The following PCNX2 variants were observed in gnomAD, a reference collection of about 807,000 sequenced individuals.
PCNX2 encodes the protein pecanex-like protein 2.
PCNX2 carries 168 observed loss-of-function variants against 223.8 expected under a neutral mutation model. The ratio of observed to expected loss-of-function variants is 0.75; its 90% CI spans 0.66 to 0.85. The LOEUF (loss-of-function observed/expected upper bound fraction) is 0.85, where lower values mean the gene tolerates loss of function less well. Among genes scored for constraint, PCNX2 ranks in the 40% least tolerant of loss-of-function variants. The probability of loss-of-function intolerance (pLI) is 0.00; values close to 1 mark genes in which losing one functional copy is unlikely to be tolerated. For missense variants in PCNX2, 2,507 were observed against 2,675.5 expected, an observed-to-expected ratio of 0.94 and a Z score of 1.39; for synonymous variants, 1,006 against 1,052.6, an observed-to-expected ratio of 0.96 and a Z score of 0.86.
rs1437788960 is a variant in PCNX2 at position 233,151,363 on chromosome 1, C to T, written c.3517+8920G>A. 2.0e-5 allele frequency among the ~76,000 whole-genome samples: 3 copies of T among 152,220 alleles called. No homozygotes were observed. The East Asian group carries it at 5.8e-4, about 29-fold the overall frequency. ...CACACCGACTGCAGCTGAGAACTAA[C>T]ATCATTCTTCAAAATGCTCTCTTTA... On this transcript the variant is annotated intron_variant, in intron 19 of 33. Coordinates refer to ENST00000258229, the MANE Select transcript of PCNX2 (RefSeq NM_014801.4).
At chr1:233,079,767 T>C (rs1408194413) in intron 23 of PCNX2, among the ~76,000 whole-genome samples, 1 of 152,098 alleles carries the variant, frequency 6.6e-6, no homozygotes, top group Non-Finnish European at 1.5e-5. Context: ...TTCCTTTGTG[T>C]TCGCTGTGTC....
rs566834264 is a variant in PCNX2, at chr1:233,244,249, A to G, written c.2222+6490T>C. 6.0e-4 allele frequency among the ~76,000 whole-genome samples: 91 copies of G among 152,342 alleles called. 2 individuals are homozygous for G. Among genetic ancestry groups the G allele is most frequent in the Non-Finnish European group, 2.9e-4 (20 of 68,024 alleles). On this transcript the variant is annotated intron_variant, in intron 8 of 33. Coordinates refer to ENST00000258229, the MANE Select transcript of PCNX2 (RefSeq NM_014801.4). ...TTGCATAACGTCAAACAAAAAGTAA[A>G]TATCAGTGCTGGAATTTGAACCCAG...
At chr1:233,172,478 T>C in intron 17 of PCNX2, 3 of 985,434 alleles carry the variant, frequency 3.0e-6, no homozygotes, top group Non-Finnish European at 3.6e-6. Context: ...GAGGTGAGTC[T>C]GCTTGCACTT....
chr1:233,230,849 G>T (rs574338596), intron 9 of PCNX2, among the ~76,000 whole-genome samples: 1 of 152,060 alleles, frequency 6.6e-6, no homozygotes, highest in African/African-American at 2.4e-5. Context: ...GGAAGGATAG[G>T]GTACCTTTTA....
intron 22 of PCNX2, among the ~76,000 whole-genome samples, chr1:233,090,571 T>C (rs1415473785): frequency 6.6e-6 from 1 of 152,230 alleles, no homozygotes; most frequent in Non-Finnish European, 1.5e-5. Context: ...TATTAGATGA[T>C]ACTTTTTGAA....
chr1:233,047,660 C>A (rs1671866156), intron 25 of PCNX2, among the ~76,000 whole-genome samples: 1 of 152,090 alleles, frequency 6.6e-6, no homozygotes, highest in African/African-American at 2.4e-5. Flanking sequence ...CTTAACTATC[C>A]TAAATATATA....
rs545676194 is a variant in PCNX2 at position 232,986,357 on chromosome 1, G to A, written c.5975C>T (p.Thr1992Met). 44 of 1,601,296 alleles carry A rather than the reference G, an allele frequency of 2.7e-5. No homozygotes were observed. The East Asian group carries it at 6.3e-4, about 23-fold the overall frequency. Reference protein sequence around the residue: ...GSRLSLHASATSLHSQPPPVT... With the variant: ...GSRLSLHASAMSLHSQPPPVT... The stretch of plus-strand genomic sequence containing the variant: ...GGGCGGGGGCTGAGAGTGCAGGGAC[G>A]TGGCCGAGGCGTGCAAGGAGAGCCG... The change falls in exon 33 of 34, where the codon ACG (threonine) becomes ATG (methionine). Residue 1992 changes from threonine to methionine, a missense_variant. By Grantham distance (81) the Thr-to-Met change is moderately conservative. Transcript: ENST00000258229.
In PCNX2 at chr1:233,262,108, C is replaced by T. The variant is rs761523979; in HGVS notation, c.417G>A (p.Thr139=). The change falls in exon 3 of 34, where the codon ACG becomes ACA. Residue 139 remains threonine (T), a synonymous_variant. Coordinates refer to ENST00000258229, the MANE Select transcript of PCNX2 (RefSeq NM_014801.4). ...CTCTGGAGCTGCAGCGGAGGGGAGG[C>T]GTGGAGAGGTTTCGACTGGCCTCTT... The part of the protein sequence containing the change: ...KKEEASRNLS[T]PPLRCSSRGQ... The T allele has an allele frequency of 9.3e-6, 15 of 1,613,656 alleles. No homozygotes were observed. The highest frequency in any genetic ancestry group is 4.5e-5 in the East Asian group (2 of 44,884).
chr1:233,273,101 T>A (rs1247286953), intron 1 of PCNX2, among the ~76,000 whole-genome samples: 3 of 150,748 alleles, frequency 2.0e-5, no homozygotes, highest in Admixed American at 2.0e-4. Flanking sequence ...CTAAAGAACT[T>A]ACTTATGTAA....
chr1:233,281,770 T>C (rs1661203503), intron 1 of PCNX2, among the ~76,000 whole-genome samples: 1 of 152,222 alleles, frequency 6.6e-6, no homozygotes, highest in South Asian at 2.1e-4. Flanking sequence ...GTGGTGAGTC[T>C]ACTGAAATGG....
intron 25 of PCNX2, among the ~76,000 whole-genome samples, chr1:233,049,013 T>C (rs958002520): frequency 6.6e-6 from 1 of 151,840 alleles, no homozygotes; most frequent in African/African-American, 2.4e-5. Context: ...GAATATGTAA[T>C]AAAAAACTTA....
intron 26 of PCNX2, 26 bp from the exon 27 acceptor site, chr1:233,017,180 T>A (rs748976850): frequency 1.4e-6 from 1 of 690,560 alleles, no homozygotes. Context: ...CAGGAAGATT[T>A]TATTTATTAA....
At chr1:233,186,018 C>A (rs535527119) in intron 15 of PCNX2, among the ~76,000 whole-genome samples, 1 of 152,256 alleles carries the variant, frequency 6.6e-6, no homozygotes, top group African/African-American at 2.4e-5. Flanking sequence ...CGGCTTTGTA[C>A]AAAAAAGCAC....
rs753792364 is a variant in PCNX2 at position 233,139,833 on chromosome 1, G to A, written c.3540C>T (p.Phe1180=). Residue 1180 remains phenylalanine (F), a synonymous_variant, in exon 20 of 34, where the codon TTC becomes TTT. Transcript: ENST00000258229. The surrounding 1 kb of genome is among the most constrained non-coding windows in gnomAD (Gnocchi z 4.4). ...EVRDVAHLMW[F]ERLYVWLQCF... is the part of the protein sequence containing the mutation. ...ACTGAAGCCAAACATAGAGTCTTTC[G>A]AACCACATTAAATGGGCAACATCTG... is the stretch of plus-strand genomic sequence containing the variant. 112 of 1,612,710 alleles carry A rather than the reference G, an allele frequency of 6.9e-5. No homozygotes were observed. The highest frequency in any genetic ancestry group is 8.2e-5 in the Non-Finnish European group (97 of 1,179,504).
In PCNX2 at chr1:233,001,282, T is replaced by C. The variant is rs773791016; in HGVS notation, c.5097+255A>G. On this transcript the variant is annotated intron_variant, in intron 29 of 33. Coordinates refer to ENST00000258229, the MANE Select transcript of PCNX2 (RefSeq NM_014801.4). This position sits in a 1 kb window ranked among gnomAD's most constrained non-coding sequence, Gnocchi z 4.2. Reference sequence around the variant, plus strand: ...ATCACTTAAGGTCGGGAGTTCGAGATCAGCCTGACCAACATGGAGAAACCC... The same window carrying C: ...ATCACTTAAGGTCGGGAGTTCGAGACCAGCCTGACCAACATGGAGAAACCC... 1.8e-4 allele frequency among the ~76,000 whole-genome samples: 28 copies of C among 152,084 alleles called. No individual in the cohort carries two copies. The highest frequency in any genetic ancestry group is 3.5e-4 in the Non-Finnish European group (24 of 68,002).
At chr1:233,140,237 G>T (rs1677029345) in intron 19 of PCNX2, among the ~76,000 whole-genome samples, 1 of 152,120 alleles carries the variant, frequency 6.6e-6, no homozygotes, top group South Asian at 2.1e-4. Context: ...TTAAGCTAGG[G>T]TTCACTTCTG....
At chr1:233,041,328 C>T (rs1671637462) in intron 25 of PCNX2, among the ~76,000 whole-genome samples, 1 of 152,122 alleles carries the variant, frequency 6.6e-6, no homozygotes, top group Non-Finnish European at 1.5e-5. Flanking sequence ...TTCAAAAATC[C>T]AAAATCTTAA....
In PCNX2 at chr1:232,984,095, T is replaced by G; in HGVS notation, c.*209A>C. The G allele has an allele frequency of 7.2e-6, 3 of 414,286 alleles. No homozygotes were observed. Among genetic ancestry groups the G allele is most frequent in the Non-Finnish European group, 1.2e-5 (3 of 251,312 alleles). The allele number at this position is 414,286 out of a possible 1,614,324, so 25.7% of individuals were successfully genotyped here. The stretch of plus-strand genomic sequence containing the variant: ...TTCCCCATCATGTGAGGTTTTTTTG[T>G]TGTTGTTGTTTGATTTTTTTTTTTT... On this transcript the variant is annotated 3_prime_UTR_variant, in exon 34 of 34. Transcript: ENST00000258229.
At chr1:233,192,295 T>C (rs1680465555) in intron 15 of PCNX2, among the ~76,000 whole-genome samples, 2 of 152,238 alleles carry the variant, frequency 1.3e-5, no homozygotes, top group African/African-American at 4.8e-5. Context: ...GAGTTACTAT[T>C]CAGTGTCAGC....
Sources: gnomAD v4.1 joint callset for allele counts (sites outside exome capture counted in the v4.1 genomes callset) on GRCh38, gnomAD v4.1.1 for gene constraint, Gnocchi (gnomAD v3.1) non-coding constraint, MANE v1.5 for transcripts, NCBI Gene and HGNC (gene_info 2026-07-23, HGNC 2026-07-21) for gene names.